SRMS: variants seen among roughly 807,000 people sequenced by gnomAD.
The protein encoded by SRMS is tyrosine-protein kinase Srms.
Under a neutral mutation model 43.5 loss-of-function variants are expected in SRMS, and 42 were observed. The observed-to-expected ratio is 0.97, with a 90% confidence interval of 0.75 to 1.25. The LOEUF is 1.25. Among genes scored for constraint, SRMS ranks in the 50% most tolerant of loss-of-function variants. SRMS has a pLI of 0.00. For synonymous variants in SRMS, 316 were observed against 308.2 expected (o/e 1.03, Z -0.27); for missense variants, 703 against 681.0 (o/e 1.03, Z -0.36).
rs1861020219 is a variant in SRMS at position 63,538,876 on chromosome 20, G to C, written c.*1942C>G. Among the ~76,000 whole-genome samples the C allele has an allele frequency of 6.6e-6, 1 of 152,176 alleles. No homozygotes were observed. The highest frequency in any genetic ancestry group is 2.1e-4 in the South Asian group (1 of 4,836). ...AGGACTTTCAGTCTAAGCCACACCA[G>C]GAGGCAGGAACGTCCCCAGCCCCTC... On this transcript the variant is annotated 3_prime_UTR_variant, in exon 8 of 8. Transcript: ENST00000217188.
rs775084045 is a variant in SRMS, at chr20:63,547,196, C to G, written c.268G>C (p.Ala90Pro). ...ALEEGGGYIF[A>P]RRLSGQPSAG... ...CTGGGCTGGCCCGAAAGCCTGCGTGCGAAGATGTAGCCGCCCCCCTCTTCG... is the reference window on the plus strand; with the variant it reads ...CTGGGCTGGCCCGAAAGCCTGCGTGGGAAGATGTAGCCGCCCCCCTCTTCG... Residue 90 changes from alanine to proline, a missense_variant, in exon 1 of 8, where the codon GCA becomes CCA. Transcript: ENST00000217188. The G allele has an allele frequency of 4.3e-6, 7 of 1,612,136 alleles. No individual in the cohort carries two copies. The South Asian group carries it at 7.7e-5, about 18-fold the overall frequency.
intron 2 of SRMS, 51 bp from the exon 3 acceptor site, chr20:63,543,531 G>T: frequency 6.8e-7 from 1 of 1,467,832 alleles, no homozygotes; most frequent in African/African-American, 1.4e-5. Context: ...CAGCTGCCCC[G>T]ACCCTCCCAC....
In SRMS at chr20:63,539,158, A is replaced by T. The variant is rs565068083; in HGVS notation, c.*1660T>A. Among the ~76,000 whole-genome samples, 1 of 152,274 alleles carries T rather than the reference A, an allele frequency of 6.6e-6. No homozygotes were observed. Among genetic ancestry groups the T allele is most frequent in the Non-Finnish European group, 1.5e-5 (1 of 68,008 alleles). On this transcript the variant is annotated 3_prime_UTR_variant, in exon 8 of 8. Transcript: ENST00000217188. ...CCCCTAGGTTCTCCCATGCAGATGG[A>T]GCTGGGCAGGTGGCCAGGGTCCCAA...
chr20:63,541,772 A>G (rs951078720), intron 5 of SRMS, 152 bp from the exon 6 acceptor site: 8 of 1,037,308 alleles, frequency 7.7e-6, no homozygotes, highest in African/African-American at 1.6e-5. Context: ...GGAAGCCCCA[A>G]GTGAGACAGG....
chr20:63,542,116 C>G, intron 5 of SRMS, 47 bp downstream of exon 5: 1 of 1,573,984 alleles, frequency 6.4e-7, no homozygotes, highest in Non-Finnish European at 8.7e-7. Context: ...AGGGAAGGGG[C>G]GGTCGCAGGC....
rs2082693848 is a variant in SRMS, at chr20:63,540,000, T to C, written c.*818A>G. On this transcript the variant is annotated 3_prime_UTR_variant, in exon 8 of 8. Transcript: ENST00000217188. ...GGCTCACGCTCTCTGGGCACCATGATGTCCTGGGCTGGGGGTCCGGGCGGC... is the reference window on the plus strand; with the variant it reads ...GGCTCACGCTCTCTGGGCACCATGACGTCCTGGGCTGGGGGTCCGGGCGGC... Among the ~76,000 whole-genome samples the C allele has an allele frequency of 6.6e-6, 1 of 152,196 alleles. No homozygotes were observed. Among genetic ancestry groups the C allele is most frequent in the African/African-American group, 2.4e-5 (1 of 41,456 alleles).
rs2082703859 is a variant in SRMS at position 63,541,559 on chromosome 20, C to T, written c.1008G>A (p.Glu336=). 3 of 1,583,828 alleles carry T rather than the reference C, an allele frequency of 1.9e-6. No homozygotes were observed. The highest frequency in any genetic ancestry group is 1.1e-5 in the South Asian group (1 of 88,402). ...GCTGCTCCTCCAGGTAGCTCATGCCCTCAGCCACCTGGCAGGCAAAGCCCA... is the reference window on the plus strand; with the variant it reads ...GCTGCTCCTCCAGGTAGCTCATGCCTTCAGCCACCTGGCAGGCAAAGCCCA... The part of the protein sequence containing the change: ...PLLGFACQVA[E]GMSYLEEQRV... Residue 336 remains glutamate (E), a synonymous_variant, in exon 6 of 8, where the codon GAG becomes GAA. Transcript: ENST00000217188.
intron 2 of SRMS, 183 bp from the exon 3 acceptor site, chr20:63,543,663 G>A (rs754974645): frequency 8.8e-6 from 6 of 679,120 alleles, no homozygotes; most frequent in African/African-American, 3.6e-5. Context: ...GCGGGGCAGC[G>A]AGAGCGGCCC....
At position 63,540,874 on chromosome 20, in the gene SRMS, G is replaced by T; in HGVS notation, c.1411C>A (p.Pro471Thr). Residue 471 changes from proline to threonine, a missense_variant, in exon 8 of 8, where the codon CCC becomes ACC. Coordinates refer to ENST00000217188, the MANE Select transcript of SRMS (RefSeq NM_080823.4). ...TTCTCCCGCAGCGTGGCGAAGGAGG[G>T]CCGTTCCTCGGGGCTGCTCCTCCAG... is the stretch of plus-strand genomic sequence containing the variant. ...ECWRSSPEER[P>T]SFATLREKLH... The T allele has an allele frequency of 1.9e-6, 3 of 1,605,920 alleles. No individual in the cohort carries two copies. Among genetic ancestry groups the T allele is most frequent in the Non-Finnish European group, 2.5e-6 (3 of 1,179,346 alleles).
In SRMS at chr20:63,543,410, C is replaced by G. The variant is rs1408882610; in HGVS notation, c.549G>C (p.Lys183Asn). The change falls in exon 3 of 8, where the codon AAG (lysine) becomes AAC (asparagine). Residue 183 changes from lysine (K) to asparagine (N), a missense_variant. Transcript: ENST00000217188. ...CCTCCAGGCCGGGAAAGAGCCGTCC[C>G]TTCTGCAGGTAGAGGCTGCCATCAG... ...MAADGSLYLQ[K>N]GRLFPGLEEL... 6.2e-7 allele frequency: 1 copy of G among 1,612,840 alleles called. No individual in the cohort carries two copies. The highest frequency in any genetic ancestry group is 1.1e-5 in the South Asian group (1 of 91,090).
chr20:63,545,194 T>G (rs931911771), intron 1 of SRMS, among the ~76,000 whole-genome samples: 1 of 152,096 alleles, frequency 6.6e-6, no homozygotes, highest in South Asian at 2.1e-4. Flanking sequence ...AGGTCACATC[T>G]ACTCATTCCT....
intron 3 of SRMS, among the ~76,000 whole-genome samples, chr20:63,542,918 C>T (rs1171181077): frequency 2.0e-5 from 3 of 152,184 alleles, no homozygotes; most frequent in Non-Finnish European, 4.4e-5. Flanking sequence ...GGGACAGTCC[C>T]CGGGATCCAG....
In SRMS at chr20:63,539,962, C is replaced by G. The variant is rs924988615; in HGVS notation, c.*856G>C. On this transcript the variant is annotated 3_prime_UTR_variant, in exon 8 of 8. Coordinates refer to ENST00000217188, the MANE Select transcript of SRMS (RefSeq NM_080823.4). ...AGGGAGATGGAATCGGCAGCTCCTGCCAATGCCCTTGGGGCTCACGCTCTC... is the reference window on the plus strand; with the variant it reads ...AGGGAGATGGAATCGGCAGCTCCTGGCAATGCCCTTGGGGCTCACGCTCTC... 6.6e-6 allele frequency among the ~76,000 whole-genome samples: 1 copy of G among 152,228 alleles called. No individual in the cohort carries two copies. Among genetic ancestry groups the G allele is most frequent in the Non-Finnish European group, 1.5e-5 (1 of 68,036 alleles).
chr20:63,547,629 G>A lies in SRMS; in HGVS notation c.-166C>T. ...CTCAGAGGTCCCCTGGATCCAGGAG[G>A]CACACGGTTCCCACCGGCGTCCGGG... On this transcript the variant is annotated 5_prime_UTR_variant, in exon 1 of 8. Transcript: ENST00000217188. The A allele has an allele frequency of 1.6e-6, 1 of 634,908 alleles. No individual in the cohort carries two copies. The highest frequency in any genetic ancestry group is 2.5e-6 in the Non-Finnish European group (1 of 398,058). The allele number at this position is 634,908 out of a possible 1,614,324, so 39.3% of individuals were successfully genotyped here.
chr20:63,544,105 G>T, intron 2 of SRMS, 122 bp downstream of exon 2: 1 of 1,214,942 alleles, frequency 8.2e-7, no homozygotes, highest in Non-Finnish European at 1.1e-6. Flanking sequence ...CATATCTGCT[G>T]TTGGGCCCTC....
rs921731831 is a variant in SRMS, at chr20:63,547,694, G to A, written c.-231C>T. Among the ~76,000 whole-genome samples the A allele has an allele frequency of 1.3e-5, 2 of 152,222 alleles. No individual in the cohort carries two copies. Among genetic ancestry groups the A allele is most frequent in the African/African-American group, 2.4e-5 (1 of 41,458 alleles). On this transcript the variant is annotated 5_prime_UTR_variant, in exon 1 of 8. Coordinates refer to ENST00000217188, the MANE Select transcript of SRMS (RefSeq NM_080823.4). ...GGGTGGGGCGCAGGGCGGACCCCCT[G>A]CCTCAGGCACACCGACAGCACCTCC...
chr20:63,546,863 C>G (rs1035784110), intron 1 of SRMS, among the ~76,000 whole-genome samples: 11 of 152,360 alleles, frequency 7.2e-5, no homozygotes, highest in Non-Finnish European at 1.6e-4. Context: ...TGCTCCCCCC[C>G]ACAGGACCTG....
At chr20:63,543,252 G>A in intron 3 of SRMS, 62 bp downstream of exon 3, 1 of 1,574,264 alleles carries the variant, frequency 6.4e-7, no homozygotes, top group Non-Finnish European at 8.6e-7. Context: ...GTGGGGAGGA[G>A]CACCTAGAAC....
At position 63,542,514 on chromosome 20, in the gene SRMS, T is replaced by G; in HGVS notation, c.713A>C (p.Glu238Ala). The G allele has an allele frequency of 6.2e-7, 1 of 1,610,194 alleles. No individual in the cohort carries two copies. Among genetic ancestry groups the G allele is most frequent in the Non-Finnish European group, 8.5e-7 (1 of 1,178,436 alleles). Residue 238 changes from glutamate to alanine, a missense_variant, in exon 4 of 8, where the codon GAA becomes GCA. Transcript: ENST00000217188. ...SEFALGRKLG[E>A]GYFGEVWEGL... ...TTCCCACACCTCCCCAAAGTAGCCT[T>G]CACCCAGCTTCCTCCCAAGGGCGAA...
Sources: allele counts gnomAD v4.1 joint callset (sites outside exome capture counted in the v4.1 genomes callset), GRCh38; gene constraint gnomAD v4.1.1; transcripts MANE v1.5; gene names NCBI Gene and HGNC (gene_info 2026-07-23, HGNC 2026-07-21).